The following DPP6 variants were observed in gnomAD, a reference collection of about 807,000 sequenced individuals.
DPP6 encodes A-type potassium channel modulatory protein DPP6.
In DPP6, 69 loss-of-function variants were observed where a neutral mutation model predicts 122.6. The ratio of observed to expected loss-of-function variants is 0.56; its 90% CI spans 0.46 to 0.69. The LOEUF (loss-of-function observed/expected upper bound fraction) is 0.69, where lower values mean the gene tolerates loss of function less well. Ranked by LOEUF, DPP6 falls within the 30% of genes least tolerant of loss-of-function variation. The pLI, the probability that DPP6 is intolerant of heterozygous loss-of-function variation, is 0.00. For synonymous variants in DPP6, 418 were observed against 433.1 expected (o/e 0.97, Z 0.43); for missense variants, 928 against 1,116.9 (o/e 0.83, Z 2.41).
In DPP6 at chr7:154,772,055, G is replaced by A. The variant is rs534971826; in HGVS notation, c.1039-790G>A. On this transcript the variant is annotated intron_variant, in intron 9 of 25. Coordinates refer to ENST00000377770, the MANE Select transcript of DPP6 (RefSeq NM_130797.4). ...GTGATAACCTGGAATCCAGTAGGGT[G>A]CCCTTGATTTTACAGTGAACTCTCA... Among the ~76,000 whole-genome samples the A allele has an allele frequency of 3.9e-5, 6 of 152,290 alleles. No individual in the cohort carries two copies. The South Asian group carries it at 1.2e-3, about 32-fold the overall frequency.
chr7:154,418,121 C>A (rs1817179727), intron 1 of DPP6, among the ~76,000 whole-genome samples: 1 of 152,194 alleles, frequency 6.6e-6, no homozygotes, highest in Admixed American at 6.5e-5. Flanking sequence ...CCATCTCCTC[C>A]TCCAGCATGC....
intron 4 of DPP6, among the ~76,000 whole-genome samples, chr7:154,547,395 C>T (rs189769544): frequency 1.3e-5 from 2 of 152,348 alleles, no homozygotes; most frequent in East Asian, 3.9e-4. Context: ...TTTCTGGCGT[C>T]TCTTGAAAAA....
rs546074791 is a variant in DPP6, at chr7:154,875,414, C to T, written c.1884-492C>T. On this transcript the variant is annotated intron_variant, in intron 19 of 25. Coordinates refer to ENST00000377770, the MANE Select transcript of DPP6 (RefSeq NM_130797.4). This position sits in a 1 kb window ranked among gnomAD's most constrained non-coding sequence, Gnocchi z 4.5. ...GGAGGGAGAAAGGCCACCCATATGGCGGGTTTGCTGTTACTTCCGACTTAA... is the reference window on the plus strand; with the variant it reads ...GGAGGGAGAAAGGCCACCCATATGGTGGGTTTGCTGTTACTTCCGACTTAA... 1.4e-3 allele frequency among the ~76,000 whole-genome samples: 212 copies of T among 152,306 alleles called. No individual in the cohort carries two copies. Among genetic ancestry groups the T allele is most frequent in the African/African-American group, 4.4e-3 (182 of 41,574 alleles).
At chr7:154,665,868 T>A (rs1447482356) in intron 6 of DPP6, among the ~76,000 whole-genome samples, 1 of 151,974 alleles carries the variant, frequency 6.6e-6, no homozygotes, top group Non-Finnish European at 1.5e-5. Context: ...TTTTCAACAG[T>A]GAAAAACCTG....
In DPP6 at chr7:154,833,883, TA is replaced by T. The variant is rs1397167042; in HGVS notation, c.1667-19896del. Among the ~76,000 whole-genome samples, 7 of 152,300 alleles carry T rather than the reference TA, an allele frequency of 4.6e-5. No homozygotes were observed. The highest frequency in any genetic ancestry group is 3.4e-3 in the Middle Eastern group (1 of 294). On this transcript the variant is annotated intron_variant, in intron 16 of 25. Coordinates refer to ENST00000377770, the MANE Select transcript of DPP6 (RefSeq NM_130797.4). This position sits in a 1 kb window ranked among gnomAD's most constrained non-coding sequence, Gnocchi z 4.3. Reference sequence around the variant, plus strand: ...TGGGTACAAGAGTTGGTGGTGGCCTTAGCAGAACTGGATATGGAAGGCCTGG... The same window carrying T: ...TGGGTACAAGAGTTGGTGGTGGCCTTGCAGAACTGGATATGGAAGGCCTGG...
At chr7:154,060,638 G>A (rs1355581282) in intron 1 of DPP6, among the ~76,000 whole-genome samples, 1 of 147,196 alleles carries the variant, frequency 6.8e-6, no homozygotes, top group Non-Finnish European at 1.5e-5. Context: ...CATCGCAGGA[G>A]GGGGAGGCAC....
intron 1 of DPP6, among the ~76,000 whole-genome samples, chr7:154,404,855 A>G (rs1219584223): frequency 6.6e-6 from 1 of 152,216 alleles, no homozygotes; most frequent in African/African-American, 2.4e-5. Flanking sequence ...TCTAAGTAAC[A>G]TTATGTACAG....
intron 5 of DPP6, among the ~76,000 whole-genome samples, chr7:154,590,582 T>TGC (rs1832753117): frequency 1.4e-5 from 2 of 145,872 alleles, no homozygotes; most frequent in African/African-American, 2.6e-5. Flanking sequence ...TTGCCCAGGC[T>TGC]GGAGTGCAAT....
intron 2 of DPP6, among the ~76,000 whole-genome samples, chr7:154,465,285 T>C (rs757149736): frequency 2.0e-5 from 3 of 152,228 alleles, no homozygotes; most frequent in Non-Finnish European, 4.4e-5. Flanking sequence ...ATTAGTCAGC[T>C]TGAGCTGTCA....
chr7:154,144,064 AG>A (rs1408673394), intron 1 of DPP6, among the ~76,000 whole-genome samples: 2 of 151,764 alleles, frequency 1.3e-5, no homozygotes, highest in Non-Finnish European at 2.9e-5. Context: ...TCTCAACACA[AG>A]GCTTTATCAT....
chr7:154,163,880 C>T (rs1335447023), intron 1 of DPP6, among the ~76,000 whole-genome samples: 2 of 152,178 alleles, frequency 1.3e-5, no homozygotes, highest in African/African-American at 4.8e-5. Flanking sequence ...ACAGGGCACG[C>T]CTTCTTCCTG....
chr7:153,853,587 T>C, the DPP6 span, among the ~76,000 whole-genome samples: 1 of 152,196 alleles, frequency 6.6e-6, no homozygotes, highest in African/African-American at 2.4e-5. Flanking sequence ...GTACTAGGCC[T>C]GGATGGAAGG....
At chr7:153,900,030 G>A (rs746198600) in intron 1 of DPP6, among the ~76,000 whole-genome samples, 9 of 152,128 alleles carry the variant, frequency 5.9e-5, no homozygotes, top group Admixed American at 1.3e-4. Flanking sequence ...CTGGACCTGC[G>A]TTATCAGCAT....
intron 3 of DPP6, among the ~76,000 whole-genome samples, chr7:154,507,568 T>C (rs1197941663): frequency 6.6e-6 from 1 of 152,162 alleles, no homozygotes; most frequent in Non-Finnish European, 1.5e-5. Flanking sequence ...GTTAAAGGAA[T>C]GCATGGGCAT....
chr7:154,127,597 T>A (rs1205952594), intron 1 of DPP6, among the ~76,000 whole-genome samples: 57 of 136,796 alleles, frequency 4.2e-4, no homozygotes, highest in African/African-American at 1.7e-3. Context: ...GAGCAGCATC[T>A]CACACACACA....
At chr7:154,373,532 A>G (rs1812856023) in intron 1 of DPP6, among the ~76,000 whole-genome samples, 1 of 152,214 alleles carries the variant, frequency 6.6e-6, no homozygotes, top group African/African-American at 2.4e-5. Flanking sequence ...CACTAAATGC[A>G]GACTCCTATG....
chr7:154,189,785 C>G (rs1042022880), intron 1 of DPP6, among the ~76,000 whole-genome samples: 7 of 152,116 alleles, frequency 4.6e-5, no homozygotes, highest in African/African-American at 1.7e-4. Flanking sequence ...TCTTTCCACA[C>G]AAACCAGATC....
upstream of DPP6, among the ~76,000 whole-genome samples, chr7:153,883,197 C>T (rs1798801954): frequency 6.6e-6 from 1 of 152,108 alleles, no homozygotes; most frequent in African/African-American, 2.4e-5. Flanking sequence ...TTTGTGAATG[C>T]AATAGCACAA....
In DPP6 at chr7:154,483,311, G is replaced by A. The variant is rs954422155; in HGVS notation, c.457+8274G>A. ...ACAGCCCCAGGGACGTGTTTGTGTA[G>A]ACAATAGTGGTGATCATTTGAGTCA... On this transcript the variant is annotated intron_variant, in intron 3 of 25. Transcript: ENST00000377770. The surrounding 1 kb of genome is among the most constrained non-coding windows in gnomAD (Gnocchi z 8.1). Among the ~76,000 whole-genome samples the A allele has an allele frequency of 2.0e-5, 3 of 152,130 alleles. No homozygotes were observed. The highest frequency in any genetic ancestry group is 7.2e-5 in the African/African-American group (3 of 41,422).
Sources: allele counts gnomAD v4.1 joint callset (sites outside exome capture counted in the v4.1 genomes callset), GRCh38; gene constraint gnomAD v4.1.1; non-coding constraint Gnocchi (gnomAD v3.1); transcripts MANE v1.5; gene names NCBI Gene and HGNC (gene_info 2026-07-23, HGNC 2026-07-21).